The following DOCK3 variants were observed in gnomAD, a reference collection of about 807,000 sequenced individuals.
DOCK3 encodes the protein dedicator of cytokinesis 3.
Under a neutral mutation model 265.6 loss-of-function variants are expected in DOCK3, and 60 were observed. The ratio of observed to expected loss-of-function variants is 0.23; its 90% confidence interval spans 0.18 to 0.28. The LOEUF is 0.28. Ranked by LOEUF, DOCK3 falls within the 10% of genes least tolerant of loss-of-function variation. The probability of loss-of-function intolerance (pLI) is 1.00; values close to 1 mark genes in which losing one functional copy is unlikely to be tolerated. For synonymous variants in DOCK3, 881 were observed against 938.0 expected, an observed-to-expected ratio of 0.94 and a Z score of 1.11; for missense variants, 1,981 against 2,594.3, an observed-to-expected ratio of 0.76 and a Z score of 5.14.
chr3:51,237,407 GGA>G, intron 20 of DOCK3, 81 bp from the exon 21 acceptor site: 1 of 1,150,384 alleles, frequency 8.7e-7, no homozygotes. Context: ...GCCATTATTT[GGA>G]GAAGGAAGAC....
At chr3:51,126,056 A>G (rs2084250609) in intron 9 of DOCK3, among the ~76,000 whole-genome samples, 1 of 152,202 alleles carries the variant, frequency 6.6e-6, no homozygotes, top group African/African-American at 2.4e-5. Context: ...TTGCTCTTAA[A>G]TGTGTTGTTT....
At chr3:51,364,194 T>C (rs1181229744) in intron 49 of DOCK3, among the ~76,000 whole-genome samples, 2 of 152,220 alleles carry the variant, frequency 1.3e-5, no homozygotes, top group Non-Finnish European at 2.9e-5. Context: ...TGGTGTGAAA[T>C]GGTATCTCAT....
intron 9 of DOCK3, among the ~76,000 whole-genome samples, chr3:51,097,114 C>G (rs1343552079): frequency 6.6e-6 from 1 of 152,200 alleles, no homozygotes; most frequent in Non-Finnish European, 1.5e-5. Context: ...ACAGTCTGTC[C>G]CTCAGCAGAG....
chr3:51,216,134 T>C (rs1175581037), intron 14 of DOCK3, among the ~76,000 whole-genome samples: 2 of 152,228 alleles, frequency 1.3e-5, no homozygotes, highest in Non-Finnish European at 2.9e-5. Context: ...AGAACTTTTC[T>C]GAGATTTGGA....
intron 12 of DOCK3, among the ~76,000 whole-genome samples, chr3:51,170,960 A>T (rs1329452672): frequency 6.6e-6 from 1 of 150,580 alleles, no homozygotes; most frequent in Non-Finnish European, 1.5e-5. Context: ...AAAAAAAAAA[A>T]AGATTTGTCA....
At chr3:50,996,593 A>G (rs1053998911) in intron 5 of DOCK3, among the ~76,000 whole-genome samples, 1 of 151,986 alleles carries the variant, frequency 6.6e-6, no homozygotes, top group Non-Finnish European at 1.5e-5. Context: ...CTATCTCCAT[A>G]ATATACCTTG....
At chr3:51,127,666 A>G (rs990854304) in intron 9 of DOCK3, among the ~76,000 whole-genome samples, 5 of 152,248 alleles carry the variant, frequency 3.3e-5, no homozygotes, top group Non-Finnish European at 7.3e-5. Flanking sequence ...TGACAATTAC[A>G]GTCCTCGTTT....
intron 2 of DOCK3, among the ~76,000 whole-genome samples, chr3:50,781,348 G>A (rs1460042600): frequency 7.0e-6 from 1 of 142,312 alleles, no homozygotes; most frequent in African/African-American, 2.6e-5. Context: ...GCTTACTGTA[G>A]CCTCGACCTC....
intron 7 of DOCK3, among the ~76,000 whole-genome samples, chr3:51,078,487 T>C (rs549411743): frequency 1.4e-4 from 22 of 152,248 alleles, no homozygotes; most frequent in African/African-American, 5.3e-4. Flanking sequence ...GGGCCCAATG[T>C]AATTATGAAA....
At chr3:50,858,975 T>C (rs1032946596) in intron 3 of DOCK3, among the ~76,000 whole-genome samples, 8 of 152,156 alleles carry the variant, frequency 5.3e-5, no homozygotes, top group African/African-American at 1.9e-4. Context: ...TGTGAAATTC[T>C]TGTATTGTGT....
chr3:50,937,276 T>A (rs1229219588), intron 5 of DOCK3, among the ~76,000 whole-genome samples: 14 of 110,702 alleles, frequency 1.3e-4, no homozygotes, highest in South Asian at 3.3e-4. Flanking sequence ...AAACTCCATC[T>A]AAAAAAAAAA....
chr3:50,772,854 A>G (rs1235828207), intron 1 of DOCK3, among the ~76,000 whole-genome samples: 1 of 152,186 alleles, frequency 6.6e-6, no homozygotes, highest in African/African-American at 2.4e-5. Context: ...TAAAATGCCC[A>G]TACTATTTCA....
intron 5 of DOCK3, among the ~76,000 whole-genome samples, chr3:51,039,125 A>T (rs1340171206): frequency 6.6e-6 from 1 of 151,846 alleles, no homozygotes; most frequent in African/African-American, 2.4e-5. Context: ...CCTCCTGAGT[A>T]TCTGGGACTA....
At chr3:51,281,851 C>G (rs1560346291) in intron 27 of DOCK3, among the ~76,000 whole-genome samples, 1 of 152,050 alleles carries the variant, frequency 6.6e-6, no homozygotes, top group East Asian at 1.9e-4. Flanking sequence ...TGTTCATTCC[C>G]CAGAGAGGAG....
intron 3 of DOCK3, among the ~76,000 whole-genome samples, chr3:50,856,349 G>GT (rs1394647477): frequency 2.0e-5 from 3 of 151,788 alleles, no homozygotes; most frequent in Non-Finnish European, 4.4e-5. Context: ...AGCATCTGTT[G>GT]TTTTTTGATT....
chr3:51,074,250 C>A (rs1450999998), intron 6 of DOCK3, among the ~76,000 whole-genome samples: 2 of 152,184 alleles, frequency 1.3e-5, no homozygotes, highest in African/African-American at 4.8e-5. Context: ...AACACACACA[C>A]AAACTCATCC....
intron 32 of DOCK3, among the ~76,000 whole-genome samples, chr3:51,328,158 T>C (rs1251266012): frequency 6.6e-6 from 1 of 152,224 alleles, no homozygotes; most frequent in East Asian, 1.9e-4. Flanking sequence ...AAACTGCTGC[T>C]GCTGGCCCAG....
intron 5 of DOCK3, among the ~76,000 whole-genome samples, chr3:51,038,883 G>T (rs1321609898): frequency 2.0e-5 from 3 of 148,870 alleles, no homozygotes; most frequent in Non-Finnish European, 4.5e-5. Flanking sequence ...TTTTTTTTTT[G>T]GATATGCAGT....
intron 51 of DOCK3, among the ~76,000 whole-genome samples, chr3:51,379,203 C>G (rs2088395481): frequency 6.6e-6 from 1 of 152,234 alleles, no homozygotes. Context: ...TCAGCTATCT[C>G]ATCCTGAATA....
Sources: allele counts gnomAD v4.1 joint callset (sites outside exome capture counted in the v4.1 genomes callset), GRCh38; gene constraint gnomAD v4.1.1; transcripts MANE v1.5; gene names NCBI Gene and HGNC (gene_info 2026-07-23, HGNC 2026-07-21).